Variants in GLYR1 observed in about 807,000 individuals in gnomAD.
The protein encoded by GLYR1 is cytokine-like nuclear factor N-PAC.
GLYR1 carries 21 observed loss-of-function variants against 72.7 expected under a neutral mutation model. The observed-to-expected ratio is 0.29, with a 90% CI of 0.20 to 0.42. The LOEUF is 0.42. Ranked by LOEUF, GLYR1 falls within the 10% of genes least tolerant of loss-of-function variation. The pLI, the probability that GLYR1 is intolerant of heterozygous loss-of-function variation, is 1.00. For synonymous variants in GLYR1, 392 were observed against 270.2 expected (o/e 1.45, Z -4.42); for missense variants, 594 against 712.1 (o/e 0.83, Z 1.89).
chr16:4,826,429 G>T (rs2084383638), intron 5 of GLYR1, among the ~76,000 whole-genome samples: 1 of 152,074 alleles, frequency 6.6e-6, no homozygotes, highest in Non-Finnish European at 1.5e-5. Flanking sequence ...TGGCTCCAGG[G>T]TCTGTCATAT....
chr16:4,806,296 G>T (rs531398047), intron 15 of GLYR1, among the ~76,000 whole-genome samples: 88 of 152,174 alleles, frequency 5.8e-4, no homozygotes, highest in Non-Finnish European at 1.1e-3. Context: ...AAGGGGGAAA[G>T]AAATGCTTCT....
At chr16:4,846,281 G>A in intron 1 of GLYR1, 71 bp from the exon 2 acceptor site, 3 of 1,507,184 alleles carry the variant, frequency 2.0e-6, no homozygotes, top group Middle Eastern at 1.7e-4. Flanking sequence ...CACTCAATAC[G>A]CAATTTATTT....
intron 15 of GLYR1, among the ~76,000 whole-genome samples, chr16:4,808,486 T>C (rs1255523382): frequency 6.6e-6 from 1 of 151,930 alleles, no homozygotes; most frequent in East Asian, 1.9e-4. Context: ...TAATCCCAGC[T>C]ACTGTGGAGG....
intron 3 of GLYR1, among the ~76,000 whole-genome samples, chr16:4,844,869 CTTAG>C (rs1169290355): frequency 5.3e-5 from 8 of 152,202 alleles, no homozygotes; most frequent in Non-Finnish European, 8.8e-5. Context: ...TCTTGCCTGA[CTTAG>C]TTATAGACCT....
At position 4,834,928 on chromosome 16, in the gene GLYR1, G is replaced by C. The variant is rs1474509157; in HGVS notation, c.156-2016C>G. 3.3e-5 allele frequency among the ~76,000 whole-genome samples: 5 copies of C among 152,062 alleles called. No individual in the cohort carries two copies. The East Asian group carries it at 9.6e-4, about 29-fold the overall frequency. On this transcript the variant is annotated intron_variant, in intron 3 of 15. Coordinates refer to ENST00000321919, the MANE Select transcript of GLYR1 (RefSeq NM_032569.4). ...CTCCTTACAGGGATGCTAATGACAGGCCAGAGCAATCAGATGCAAAGTCAG... is the reference window on the plus strand; with the variant it reads ...CTCCTTACAGGGATGCTAATGACAGCCCAGAGCAATCAGATGCAAAGTCAG...
intron 9 of GLYR1, 148 bp downstream of exon 9, chr16:4,821,232 T>A (rs1261864890): frequency 2.6e-6 from 2 of 756,740 alleles, no homozygotes; most frequent in East Asian, 5.3e-5. Context: ...CCTGTCTTTA[T>A]CGATAAGAGT....
intron 3 of GLYR1, among the ~76,000 whole-genome samples, chr16:4,836,883 G>A (rs147401082): frequency 3.9e-5 from 6 of 151,970 alleles, no homozygotes; most frequent in African/African-American, 1.4e-4. Flanking sequence ...TATGCCGACT[G>A]CCCAGAGGGT....
At chr16:4,831,873 G>A (rs1567763271) in intron 5 of GLYR1, 106 bp downstream of exon 5, 1 of 1,458,054 alleles carries the variant, frequency 6.9e-7, no homozygotes, top group African/African-American at 1.4e-5. Context: ...CCCACTCCAT[G>A]AGCAGAGTAT....
intron 3 of GLYR1, among the ~76,000 whole-genome samples, chr16:4,837,670 G>A (rs1293780642): frequency 6.6e-6 from 1 of 151,894 alleles, no homozygotes; most frequent in African/African-American, 2.4e-5. Context: ...GTGAGAACAA[G>A]CCGGCACGGT....
intron 9 of GLYR1, chr16:4,818,012 T>C (rs1472417773): frequency 1.1e-5 from 3 of 276,958 alleles, no homozygotes; most frequent in Non-Finnish European, 2.1e-5. Flanking sequence ...CTTTTTTTTT[T>C]TTTTGAGACA....
chr16:4,844,228 C>T (rs1596423265), intron 3 of GLYR1, among the ~76,000 whole-genome samples: 1 of 152,086 alleles, frequency 6.6e-6, no homozygotes, highest in Non-Finnish European at 1.5e-5. Flanking sequence ...AGGTTCTTCA[C>T]GTTCTTCCCG....
At chr16:4,815,867 T>C (rs2083604619) in intron 10 of GLYR1, among the ~76,000 whole-genome samples, 1 of 152,072 alleles carries the variant, frequency 6.6e-6, no homozygotes, top group Non-Finnish European at 1.5e-5. Context: ...CTGCAAGCTC[T>C]GCCTCCCAGG....
intron 9 of GLYR1, chr16:4,818,002 CT>C (rs61285093): frequency 0.029 from 6,394 of 218,562 alleles, no homozygotes; most frequent in South Asian, 0.066. Flanking sequence ...CCTTGCTGCC[CT>C]TTTTTTTTTT....
chr16:4,843,068 G>A (rs551237852), intron 3 of GLYR1, among the ~76,000 whole-genome samples: 1 of 152,324 alleles, frequency 6.6e-6, no homozygotes, highest in Non-Finnish European at 1.5e-5. Flanking sequence ...TGGAAGGTGG[G>A]AACTATAATA....
intron 5 of GLYR1, among the ~76,000 whole-genome samples, chr16:4,825,860 G>C (rs192581615): frequency 2.0e-5 from 3 of 152,068 alleles, no homozygotes; most frequent in African/African-American, 4.8e-5. Context: ...CACCATGTTA[G>C]CCAGGATGGT....
At chr16:4,814,445 A>G in intron 11 of GLYR1, 92 bp downstream of exon 11, 1 of 916,228 alleles carries the variant, frequency 1.1e-6, no homozygotes, top group Non-Finnish European at 1.8e-6. Flanking sequence ...ACATGTGGAC[A>G]CTCACTTGGT....
rs761131861 is a variant in GLYR1 at position 4,842,865 on chromosome 16, A to G, written c.155+2209T>C. On this transcript the variant is annotated intron_variant, in intron 3 of 15. Transcript: ENST00000321919. ...TAGGTGTGCACCACCACACCCGACT[A>G]ATTTTTGTATTTTTAGTAGAGACAG... 7.2e-5 allele frequency among the ~76,000 whole-genome samples: 11 copies of G among 151,742 alleles called. 1 individual carries two copies. Among genetic ancestry groups the G allele is most frequent in the African/African-American group, 1.7e-4 (7 of 41,280 alleles).
In GLYR1 at chr16:4,805,047, G is replaced by C. The variant is rs117581021; in HGVS notation, c.*189C>G. The C allele has an allele frequency of 6.3e-3, 3,795 of 605,998 alleles. 20 individuals are homozygous for C. Among genetic ancestry groups the C allele is most frequent in the Middle Eastern group, 0.017 (39 of 2,244 alleles). 37.5% of individuals were successfully genotyped at this position (605,998 alleles called of 1,614,324 possible). The stretch of plus-strand genomic sequence containing the variant: ...CCACACGCCAATCCTGCTGACACTT[G>C]TCCCCTCCCCACCGGCCTCAGGGGA... On this transcript the variant is annotated 3_prime_UTR_variant, in exon 16 of 16. Coordinates refer to ENST00000321919, the MANE Select transcript of GLYR1 (RefSeq NM_032569.4).
intron 5 of GLYR1, among the ~76,000 whole-genome samples, chr16:4,824,734 G>A (rs934947070): frequency 2.0e-5 from 3 of 152,010 alleles, no homozygotes; most frequent in Non-Finnish European, 2.9e-5. Context: ...TCGATGGCCC[G>A]GCTCACCTTC....
Sources: gnomAD v4.1 joint callset for allele counts (sites outside exome capture counted in the v4.1 genomes callset) on GRCh38, gnomAD v4.1.1 for gene constraint, MANE v1.5 for transcripts, NCBI Gene and HGNC (gene_info 2026-07-23, HGNC 2026-07-21) for gene names.